Variants in SNTG2 observed in about 807,000 individuals in gnomAD.
SNTG2 encodes syntrophin gamma 2, also known as gamma-2-syntrophin.
A neutral mutation model predicts 70.9 loss-of-function variants in SNTG2; 74 were observed. That is an observed-to-expected ratio of 1.04 (90% CI 0.86 to 1.27). SNTG2 has a LOEUF of 1.27. Ranked by LOEUF, SNTG2 falls within the 50% of genes most tolerant of loss-of-function variation. The pLI is 0.00. For synonymous variants in SNTG2, 278 were observed against 273.8 expected (o/e 1.02, Z -0.15); for missense variants, 717 against 690.7 (o/e 1.04, Z -0.43).
At position 1,209,017 on chromosome 2, in the gene SNTG2, C is replaced by CTGTGTTCCAGGTGCCTGCAG. The variant is rs1316484461; in HGVS notation, c.592-85_592-66dup. 5 of 1,526,688 alleles carry CTGTGTTCCAGGTGCCTGCAG rather than the reference C, an allele frequency of 3.3e-6. No individual in the cohort carries two copies. In the African/African-American group the frequency reaches 5.6e-5, roughly 17 times the overall value. The allele number at this position is 1,526,688 out of a possible 1,614,324, so 94.6% of individuals were successfully genotyped here. On this transcript the variant is annotated intron_variant, in intron 8 of 16. Transcript: ENST00000308624. The stretch of plus-strand genomic sequence containing the variant: ...AGTTGAAATGTGTTGGACTTGAGTT[C>CTGTGTTCCAGGTGCCTGCAG]TGTGTTCCAGGTGCCTGCAGATGCC...
At chr2:1,322,803 C>T (rs569308105) in intron 16 of SNTG2, among the ~76,000 whole-genome samples, 16 of 152,032 alleles carry the variant, frequency 1.1e-4, no homozygotes, top group African/African-American at 3.9e-4. Context: ...GCACTTTGCA[C>T]GTGGGAACCT....
At chr2:1,079,020 G>A (rs935419732) in intron 1 of SNTG2, among the ~76,000 whole-genome samples, 1 of 152,230 alleles carries the variant, frequency 6.6e-6, no homozygotes, top group East Asian at 1.9e-4. Context: ...TACTTTTGAA[G>A]AAGTTGAGTT....
At chr2:1,284,002 C>G (rs1421530383) in intron 14 of SNTG2, among the ~76,000 whole-genome samples, 2 of 152,222 alleles carry the variant, frequency 1.3e-5, no homozygotes, top group African/African-American at 2.4e-5. Context: ...TGAAAGTCCC[C>G]GCAGTGAGCC....
At chr2:1,050,069 G>A (rs1225321596) in intron 1 of SNTG2, among the ~76,000 whole-genome samples, 4 of 151,916 alleles carry the variant, frequency 2.6e-5, no homozygotes, top group East Asian at 1.9e-4. Flanking sequence ...TATTTTTACC[G>A]ATTTAGGAGT....
At chr2:1,102,886 C>G (rs1163425164) in intron 4 of SNTG2, among the ~76,000 whole-genome samples, 1 of 152,250 alleles carries the variant, frequency 6.6e-6, no homozygotes, top group African/African-American at 2.4e-5. Flanking sequence ...CCCAGCTCAG[C>G]TCACTCGCAC....
intron 4 of SNTG2, among the ~76,000 whole-genome samples, chr2:1,117,657 T>C (rs923008920): frequency 6.6e-6 from 1 of 152,126 alleles, no homozygotes; most frequent in Non-Finnish European, 1.5e-5. Flanking sequence ...CAGCAACAGC[T>C]CCCTGAAACT....
At chr2:1,137,302 G>GCA (rs1420613467) in intron 4 of SNTG2, among the ~76,000 whole-genome samples, 2 of 149,856 alleles carry the variant, frequency 1.3e-5, no homozygotes, top group Non-Finnish European at 3.0e-5. Context: ...ATCTGCACCT[G>GCA]CACACACACA....
intron 9 of SNTG2, among the ~76,000 whole-genome samples, chr2:1,234,975 A>G (rs1290533150): frequency 6.6e-6 from 1 of 152,256 alleles, no homozygotes; most frequent in African/African-American, 2.4e-5. Context: ...CCTGAGAATC[A>G]GGAAATGCCA....
chr2:1,104,996 C>T (rs915777404), intron 4 of SNTG2, among the ~76,000 whole-genome samples: 1 of 152,222 alleles, frequency 6.6e-6, no homozygotes, highest in African/African-American at 2.4e-5. Flanking sequence ...GAAGGAAAGC[C>T]TTCATGGTAT....
chr2:1,286,989 G>A (rs1334719896), intron 14 of SNTG2, among the ~76,000 whole-genome samples: 1 of 152,194 alleles, frequency 6.6e-6, no homozygotes. Flanking sequence ...CTTTCAGAAT[G>A]AGGGGGCTGG....
chr2:986,881 A>T, intron 1 of SNTG2, among the ~76,000 whole-genome samples: 1 of 152,260 alleles, frequency 6.6e-6, no homozygotes, highest in East Asian at 1.9e-4. Context: ...CTACGGGCTA[A>T]ATTTTATAGA....
intron 6 of SNTG2, among the ~76,000 whole-genome samples, chr2:1,148,046 T>A (rs539097180): frequency 1.3e-4 from 20 of 152,288 alleles, no homozygotes; most frequent in African/African-American, 4.8e-4. Flanking sequence ...ATGAATGAGC[T>A]GGTGGTTGCA....
chr2:1,255,381 C>T (rs1677992704), intron 12 of SNTG2, among the ~76,000 whole-genome samples: 1 of 152,108 alleles, frequency 6.6e-6, no homozygotes, highest in African/African-American at 2.4e-5. Context: ...CACCAATGTA[C>T]CTATGAATCA....
chr2:1,233,624 G>C (rs1291590546), intron 9 of SNTG2, among the ~76,000 whole-genome samples: 2 of 152,224 alleles, frequency 1.3e-5, no homozygotes, highest in Non-Finnish European at 2.9e-5. Context: ...AGGAGGTGGA[G>C]ACCTGAGCAC....
intron 1 of SNTG2, among the ~76,000 whole-genome samples, chr2:964,504 G>A (rs2147948918): frequency 6.6e-6 from 1 of 152,330 alleles, no homozygotes; most frequent in East Asian, 1.9e-4. Flanking sequence ...AGATGTGTTT[G>A]CAGGAAATGT....
At chr2:1,257,132 C>T (rs933331965) in intron 12 of SNTG2, among the ~76,000 whole-genome samples, 2 of 152,060 alleles carry the variant, frequency 1.3e-5, no homozygotes, top group Non-Finnish European at 1.5e-5. Context: ...GATACTGCCA[C>T]ACCCATAACA....
chr2:1,026,620 C>G (rs894110038), intron 1 of SNTG2, among the ~76,000 whole-genome samples: 1 of 152,164 alleles, frequency 6.6e-6, no homozygotes, highest in Non-Finnish European at 1.5e-5. Context: ...GTTGACAACC[C>G]TGCACTCACC....
At chr2:1,188,353 G>A (rs942804612) in intron 8 of SNTG2, among the ~76,000 whole-genome samples, 1 of 152,094 alleles carries the variant, frequency 6.6e-6, no homozygotes, top group African/African-American at 2.4e-5. Flanking sequence ...GAGAACCAAA[G>A]ATAAGAAGGT....
chr2:1,114,680 T>G (rs185578720), intron 4 of SNTG2, among the ~76,000 whole-genome samples: 1 of 152,094 alleles, frequency 6.6e-6, no homozygotes, highest in African/African-American at 2.4e-5. Context: ...TACAGTCCTT[T>G]GAGAAGGATC....
Sources: allele counts gnomAD v4.1 joint callset (sites outside exome capture counted in the v4.1 genomes callset), GRCh38; gene constraint gnomAD v4.1.1; transcripts MANE v1.5; gene names NCBI Gene and HGNC (gene_info 2026-07-23, HGNC 2026-07-21).